The following NFATC1 variants were observed in gnomAD, a reference collection of about 807,000 sequenced individuals.
The protein encoded by NFATC1 is nuclear factor of activated T cells 1, also known as nuclear factor of activated T-cells, cytoplasmic 1.
NFATC1 carries 22 observed loss-of-function variants against 76.0 expected under a neutral mutation model. That is an observed-to-expected ratio of 0.29 (90% CI 0.21 to 0.41). The LOEUF is 0.41. Ranked by LOEUF, NFATC1 falls within the 10% of genes least tolerant of loss-of-function variation. The pLI, the probability that NFATC1 is intolerant of heterozygous loss-of-function variation, is 1.00. For synonymous variants in NFATC1, 704 were observed against 613.1 expected (o/e 1.15, Z -2.19); for missense variants, 1,357 against 1,337.7 (o/e 1.01, Z -0.23).
chr18:79,472,192 A>G (rs2088815034), intron 8 of NFATC1, among the ~76,000 whole-genome samples: 1 of 152,114 alleles, frequency 6.6e-6, no homozygotes, highest in Admixed American at 6.5e-5. Context: ...GTCCCCGTGC[A>G]CAGATCCCAC....
intron 9 of NFATC1, among the ~76,000 whole-genome samples, chr18:79,521,345 G>T (rs2090557690): frequency 1.0e-5 from 1 of 98,000 alleles, no homozygotes; most frequent in Non-Finnish European, 2.0e-5. Context: ...GTGTGTAGGG[G>T]GGGAGCATCC....
intron 9 of NFATC1, among the ~76,000 whole-genome samples, chr18:79,520,786 T>TGTGG (rs1555925341): frequency 7.9e-5 from 3 of 37,888 alleles, no homozygotes; most frequent in African/African-American, 3.9e-4. Flanking sequence ...TGTGTGTGTG[T>TGTGG]GGGGGGGCAT....
chr18:79,474,208 ATG>A (rs2088930127), intron 8 of NFATC1, among the ~76,000 whole-genome samples: 1 of 23,808 alleles, frequency 4.2e-5, no homozygotes, highest in Non-Finnish European at 8.3e-5. Flanking sequence ...GCGTGTTCTC[ATG>A]CTCACTGTCG....
chr18:79,410,361 G>A lies in NFATC1; in HGVS notation c.128-42G>A, dbSNP rs756649268. ...AGTTCATGGGTTTCTGCTTTGTGAT[G>A]CCCAGCCCCTCATGCTCCCATCTGC... On this transcript the variant is annotated intron_variant, in intron 1 of 9. Coordinates refer to ENST00000427363, the MANE Select transcript of NFATC1 (RefSeq NM_001278669.2). The surrounding 1 kb of genome is among the most constrained non-coding windows in gnomAD (Gnocchi z 6.7). 3.8e-6 allele frequency: 6 copies of A among 1,560,776 alleles called. No individual in the cohort carries two copies. Among genetic ancestry groups the A allele is most frequent in the Non-Finnish European group, 4.3e-6 (5 of 1,155,270 alleles).
intron 2 of NFATC1, among the ~76,000 whole-genome samples, chr18:79,417,959 GTGGCGGGAGATGGGCTA>G (rs2085936992): frequency 6.6e-6 from 1 of 152,054 alleles, no homozygotes; most frequent in South Asian, 2.1e-4. Context: ...GAGATGGGCT[GTGGCGGGAGATGGGCTA>G]TGGCTGGGCC....
At chr18:79,518,890 T>C (rs2145203575) in intron 9 of NFATC1, among the ~76,000 whole-genome samples, 1 of 152,334 alleles carries the variant, frequency 6.6e-6, no homozygotes, top group African/African-American at 2.4e-5. Flanking sequence ...TATCCCTGAC[T>C]TGGGCTCCGA....
At position 79,411,020 on chromosome 18, in the gene NFATC1, G is replaced by C; in HGVS notation, c.745G>C (p.Glu249Gln). The C allele has an allele frequency of 6.2e-7, 1 of 1,611,750 alleles. No individual in the cohort carries two copies. Among genetic ancestry groups the C allele is most frequent in the Non-Finnish European group, 8.5e-7 (1 of 1,179,584 alleles). The change falls in exon 2 of 10, where the codon GAG (glutamate) becomes CAG (glutamine). Residue 249 changes from glutamate (E) to glutamine (Q), a missense_variant. Coordinates refer to ENST00000427363, the MANE Select transcript of NFATC1 (RefSeq NM_001278669.2). ...STSPRASVTE[E>Q]SWLGARSSRP... is the part of the protein sequence containing the mutation. ...CTCGCCCCGCGCCAGCGTCACTGAG[G>C]AGAGCTGGCTGGGTGCCCGCTCCTC...
intron 8 of NFATC1, among the ~76,000 whole-genome samples, chr18:79,482,759 C>G (rs1334779270): frequency 4.2e-4 from 37 of 87,966 alleles, no homozygotes; most frequent in East Asian, 7.5e-4. Context: ...AGCGTGACCT[C>G]GTTCCTGGGG....
At chr18:79,513,141 C>G (rs2090299062) in intron 9 of NFATC1, among the ~76,000 whole-genome samples, 1 of 152,234 alleles carries the variant, frequency 6.6e-6, no homozygotes, top group Non-Finnish European at 1.5e-5. Flanking sequence ...CTCTCGATAC[C>G]CAGAACCACC....
At chr18:79,521,076 T>G (rs111174461) in intron 9 of NFATC1, among the ~76,000 whole-genome samples, 17 of 56,906 alleles carry the variant, frequency 3.0e-4, no homozygotes, top group East Asian at 1.3e-3. Context: ...CATGTGTGTG[T>G]GGGGGCATCC....
intron 1 of NFATC1, among the ~76,000 whole-genome samples, chr18:79,397,246 C>T (rs997619737): frequency 6.6e-6 from 1 of 152,244 alleles, no homozygotes. Context: ...GATTGCAATG[C>T]TAATGGAAAT....
intron 3 of NFATC1, among the ~76,000 whole-genome samples, chr18:79,447,581 C>CTCTG (rs747127098): frequency 6.6e-6 from 1 of 152,212 alleles, no homozygotes; most frequent in Non-Finnish European, 1.5e-5. Flanking sequence ...AATCTCAGGG[C>CTCTG]TCTGAGGCTG....
intron 8 of NFATC1, among the ~76,000 whole-genome samples, chr18:79,476,361 G>A (rs1028711083): frequency 6.6e-6 from 1 of 152,272 alleles, no homozygotes; most frequent in African/African-American, 2.4e-5. Flanking sequence ...CACAGAACAC[G>A]GCGGGCAGCG....
At chr18:79,424,145 C>A (rs2086196946) in intron 2 of NFATC1, among the ~76,000 whole-genome samples, 1 of 152,234 alleles carries the variant, frequency 6.6e-6, no homozygotes, top group Non-Finnish European at 1.5e-5. Flanking sequence ...AAGGCTGCGT[C>A]CAGCGGCCAG....
intron 6 of NFATC1, among the ~76,000 whole-genome samples, chr18:79,453,718 T>C (rs2087570404): frequency 1.3e-5 from 2 of 152,248 alleles, no homozygotes; most frequent in African/African-American, 4.8e-5. Flanking sequence ...ATAGGTGCTG[T>C]GCTCGAGAGC....
chr18:79,452,988 G>C (rs1266064986), intron 6 of NFATC1, among the ~76,000 whole-genome samples: 1 of 152,224 alleles, frequency 6.6e-6, no homozygotes, highest in East Asian at 1.9e-4. Flanking sequence ...CGGCTTTAGA[G>C]GTCTTTGACT....
chr18:79,458,319 AC>A (rs2087852824), intron 6 of NFATC1, among the ~76,000 whole-genome samples: 1 of 131,490 alleles, frequency 7.6e-6, no homozygotes, highest in African/African-American at 3.6e-5. Context: ...GGAGCAGGGC[AC>A]GAGGATGCTT....
intron 9 of NFATC1, among the ~76,000 whole-genome samples, chr18:79,510,808 C>T (rs539542026): frequency 0.012 from 1,761 of 152,160 alleles, 42 homozygotes; most frequent in African/African-American, 0.04. Context: ...ATCCCCTCCA[C>T]GGGGCTCCTC....
chr18:79,503,545 G>A (rs1266417083), intron 9 of NFATC1, among the ~76,000 whole-genome samples: 2 of 151,664 alleles, frequency 1.3e-5, no homozygotes, highest in African/African-American at 4.8e-5. Context: ...GCCGTCATCC[G>A]GGCTTTGTCG....
Sources: allele counts gnomAD v4.1 joint callset (sites outside exome capture counted in the v4.1 genomes callset), GRCh38; gene constraint gnomAD v4.1.1; non-coding constraint Gnocchi (gnomAD v3.1); transcripts MANE v1.5; gene names NCBI Gene and HGNC (gene_info 2026-07-23, HGNC 2026-07-21).